EDIL3: variants seen among roughly 807,000 people sequenced by gnomAD.
EDIL3 encodes EGF-like repeat and discoidin I-like domain-containing protein 3.
Under a neutral mutation model 67.4 loss-of-function variants are expected in EDIL3, and 37 were observed. The ratio of observed to expected loss-of-function variants is 0.55; its 90% CI spans 0.42 to 0.72. EDIL3 has a LOEUF of 0.72. Among genes scored for constraint, EDIL3 ranks in the 30% least tolerant of loss-of-function variants. EDIL3 has a pLI of 0.00. For synonymous variants in EDIL3, 195 were observed against 196.3 expected (o/e 0.99, Z 0.05); for missense variants, 527 against 586.3 (o/e 0.90, Z 1.04).
intron 5 of EDIL3, among the ~76,000 whole-genome samples, chr5:84,134,569 T>A (rs967193201): frequency 6.6e-6 from 1 of 152,258 alleles, no homozygotes; most frequent in African/African-American, 2.4e-5. Context: ...GTAAGCAAAT[T>A]CTCTAAGTTC....
At chr5:83,964,277 T>C (rs1354428268) in intron 9 of EDIL3, among the ~76,000 whole-genome samples, 1 of 151,980 alleles carries the variant, frequency 6.6e-6, no homozygotes, top group African/African-American at 2.4e-5. Context: ...ACTTTGTTTT[T>C]TATGCAGACA....
intron 1 of EDIL3, among the ~76,000 whole-genome samples, chr5:84,300,660 A>G (rs1247645766): frequency 1.3e-5 from 2 of 152,242 alleles, no homozygotes; most frequent in Non-Finnish European, 2.9e-5. Context: ...TAGCACAGAA[A>G]TTCATCCTTA....
intron 1 of EDIL3, among the ~76,000 whole-genome samples, chr5:84,281,911 G>A (rs908317722): frequency 1.2e-4 from 17 of 137,566 alleles, no homozygotes; most frequent in African/African-American, 1.6e-4. Context: ...CACCTGGACT[G>A]GAATAAATGC....
Position 84,316,925 on chromosome 5 carries a change from A to T in EDIL3, c.68-62713T>A, listed in dbSNP as rs935316045. 2.0e-4 allele frequency among the ~76,000 whole-genome samples: 30 copies of T among 152,114 alleles called. 1 individual carries two copies. Among genetic ancestry groups the T allele is most frequent in the Admixed American group, 2.0e-3 (30 of 15,254 alleles). ...AACAAACTGTCTCTCAGACCACAGTACAATCAAACTAGAACTCAGGATTAA... is the reference window on the plus strand; with the variant it reads ...AACAAACTGTCTCTCAGACCACAGTTCAATCAAACTAGAACTCAGGATTAA... On this transcript the variant is annotated intron_variant, in intron 1 of 10. Coordinates refer to ENST00000296591, the MANE Select transcript of EDIL3 (RefSeq NM_005711.5).
Position 83,951,602 on chromosome 5 carries a change from C to G in EDIL3, c.1294-8034G>C, listed in dbSNP as rs534623864. Among the ~76,000 whole-genome samples, 3 of 151,574 alleles carry G rather than the reference C, an allele frequency of 2.0e-5. No individual in the cohort carries two copies. In the South Asian group the frequency reaches 6.2e-4, roughly 31 times the overall value. On this transcript the variant is annotated intron_variant, in intron 10 of 10. Transcript: ENST00000296591. ...CCCTGGCAATAAAAGTCCACATTTC[C>G]GGCCCTTCATTGCTTCTCAAATTGC...
chr5:84,113,537 G>T (rs768081854), intron 5 of EDIL3, among the ~76,000 whole-genome samples: 1 of 152,078 alleles, frequency 6.6e-6, no homozygotes, highest in Non-Finnish European at 1.5e-5. Context: ...TGGCCAAGAG[G>T]GATGTGAATA....
chr5:83,983,723 G>T (rs1225556111), intron 9 of EDIL3, among the ~76,000 whole-genome samples: 1 of 151,210 alleles, frequency 6.6e-6, no homozygotes, highest in Non-Finnish European at 1.5e-5. Context: ...AATCTGACAG[G>T]TGGGAGGACA....
chr5:84,143,042 C>G (rs1479408824), intron 4 of EDIL3, among the ~76,000 whole-genome samples: 1 of 151,944 alleles, frequency 6.6e-6, no homozygotes, highest in African/African-American at 2.4e-5. Flanking sequence ...TGAGTGATTG[C>G]CTTTTAAAGT....
chr5:84,050,241 T>C (rs1461586738), intron 9 of EDIL3, among the ~76,000 whole-genome samples: 1 of 151,290 alleles, frequency 6.6e-6, no homozygotes, highest in Non-Finnish European at 1.5e-5. Flanking sequence ...GAATATTTGC[T>C]TGAGAAGTTC....
At chr5:84,096,598 G>A (rs1395977982) in intron 6 of EDIL3, among the ~76,000 whole-genome samples, 2 of 152,128 alleles carry the variant, frequency 1.3e-5, no homozygotes, top group African/African-American at 4.8e-5. Context: ...AGGCTCATAG[G>A]CTGAAGGGAC....
At chr5:84,053,924 T>C (rs950650984) in intron 9 of EDIL3, among the ~76,000 whole-genome samples, 20 of 152,068 alleles carry the variant, frequency 1.3e-4, no homozygotes, top group African/African-American at 4.6e-4. Flanking sequence ...TTCCAATCAA[T>C]AGAAAAAGAG....
rs116497663 is a variant in EDIL3, at chr5:84,338,900, T to A, written c.67+45408A>T. On this transcript the variant is annotated intron_variant, in intron 1 of 10. Coordinates refer to ENST00000296591, the MANE Select transcript of EDIL3 (RefSeq NM_005711.5). Reference sequence around the variant, plus strand: ...GTTTAATGCTCTGCTGTCACCATTTTTAAAGTCTTAACATTTTTATCAAGG... The same window carrying A: ...GTTTAATGCTCTGCTGTCACCATTTATAAAGTCTTAACATTTTTATCAAGG... 7.6e-3 allele frequency among the ~76,000 whole-genome samples: 1,161 copies of A among 152,278 alleles called. 8 individuals carry two copies. The highest frequency in any genetic ancestry group is 9.3e-3 in the African/African-American group (385 of 41,568).
intron 5 of EDIL3, among the ~76,000 whole-genome samples, chr5:84,112,004 G>A (rs1168393216): frequency 6.6e-6 from 1 of 152,088 alleles, no homozygotes; most frequent in Non-Finnish European, 1.5e-5. Context: ...GCAGGGAACA[G>A]GCTGCTATGA....
At chr5:84,040,470 T>G (rs1746099673) in intron 9 of EDIL3, among the ~76,000 whole-genome samples, 1 of 149,942 alleles carries the variant, frequency 6.7e-6, no homozygotes, top group South Asian at 2.1e-4. Flanking sequence ...TGATTTAAAT[T>G]TCATAATTTA....
At chr5:83,981,986 A>G (rs1744978153) in intron 9 of EDIL3, among the ~76,000 whole-genome samples, 1 of 152,104 alleles carries the variant, frequency 6.6e-6, no homozygotes, top group Non-Finnish European at 1.5e-5. Flanking sequence ...TAATTTATAT[A>G]ACAAAATTAG....
chr5:84,206,893 A>G (rs1195096971), intron 3 of EDIL3, among the ~76,000 whole-genome samples: 1 of 152,360 alleles, frequency 6.6e-6, no homozygotes, highest in South Asian at 2.1e-4. Context: ...GATGGGACAT[A>G]TCTCAAATAA....
intron 5 of EDIL3, among the ~76,000 whole-genome samples, chr5:84,123,882 A>G (rs1002236492): frequency 1.1e-4 from 16 of 151,960 alleles, no homozygotes; most frequent in Non-Finnish European, 1.6e-4. Context: ...GTTAAAAAGT[A>G]TAAGACCAAT....
At chr5:84,099,760 C>T (rs1474856246) in intron 6 of EDIL3, among the ~76,000 whole-genome samples, 1 of 151,912 alleles carries the variant, frequency 6.6e-6, no homozygotes. Context: ...AGCTTCTGCA[C>T]AGCAAAAGAA....
intron 2 of EDIL3, among the ~76,000 whole-genome samples, chr5:84,234,785 T>A (rs1744647674): frequency 6.6e-6 from 1 of 152,198 alleles, no homozygotes; most frequent in Admixed American, 6.5e-5. Flanking sequence ...TGGTTAAGCA[T>A]GTACCAAATA....
Sources: gnomAD v4.1 joint callset for allele counts (sites outside exome capture counted in the v4.1 genomes callset) on GRCh38, gnomAD v4.1.1 for gene constraint, MANE v1.5 for transcripts, NCBI Gene and HGNC (gene_info 2026-07-23, HGNC 2026-07-21) for gene names.